The following ZFR2 variants were observed in gnomAD, a reference collection of about 807,000 sequenced individuals.
ZFR2 encodes the protein zinc finger RNA-binding protein 2.
In ZFR2, 104 loss-of-function variants were observed where a neutral mutation model predicts 105.7. The ratio of observed to expected loss-of-function variants is 0.98; its 90% CI spans 0.84 to 1.16. ZFR2 has a LOEUF of 1.16. Ranked by LOEUF, ZFR2 falls within the 50% of genes most tolerant of loss-of-function variation. The pLI, the probability that ZFR2 is intolerant of heterozygous loss-of-function variation, is 0.00. For synonymous variants in ZFR2, 634 were observed against 597.7 expected (o/e 1.06, Z -0.89); for missense variants, 1,425 against 1,355.5 (o/e 1.05, Z -0.80).
chr19:3,823,296 G>A lies in ZFR2; in HGVS notation c.1321C>T (p.Pro441Ser), dbSNP rs1009774366. The A allele has an allele frequency of 6.2e-7, 1 of 1,613,912 alleles. No individual in the cohort carries two copies. The highest frequency in any genetic ancestry group is 1.3e-5 in the African/African-American group (1 of 74,952). Residue 441 changes from proline to serine, a missense_variant, in exon 8 of 19, where the codon CCC becomes TCC. Transcript: ENST00000262961. The surrounding 1 kb of genome is among the most constrained non-coding windows in gnomAD (Gnocchi z 5.4). ...GGCTGCGCATCAGAGCAGCCCGCGG[G>A]AGCTTCCTTTGAGCCTCCTTGGGTA... ...APTQGGSKEA[P>S]AGCSDAQPVG... is the part of the protein sequence containing the mutation.
rs557284066 is a variant in ZFR2, at chr19:3,804,911, G to A, written c.*1038C>T. On this transcript the variant is annotated 3_prime_UTR_variant, in exon 19 of 19. Coordinates refer to ENST00000262961, the MANE Select transcript of ZFR2 (RefSeq NM_015174.2). ...GTTTGTTTCTTTGAGACAGGGTCTC[G>A]CTCTGTAACCCAGGCTGGAGTTCAG... The A allele has an allele frequency of 3.3e-5, 5 of 152,892 alleles. No homozygotes were observed. The highest frequency in any genetic ancestry group is 3.8e-4 in the East Asian group (2 of 5,198). 9.5% of individuals were successfully genotyped at this position (152,892 alleles called of 1,614,324 possible).
chr19:3,855,388 T>C, intron 1 of ZFR2: 1 of 1,231,692 alleles, frequency 8.1e-7, no homozygotes, highest in Non-Finnish European at 1.0e-6. Context: ...AGAAATTCTG[T>C]GTGTACAAAA....
rs759436615 is a variant in ZFR2 at position 3,822,066 on chromosome 19, C to G, written c.1491+15G>C. On this transcript the variant is annotated intron_variant, in intron 9 of 18. Coordinates refer to ENST00000262961, the MANE Select transcript of ZFR2 (RefSeq NM_015174.2). ...CAGCCCGGACGGGTGTCGGAGCTCC[C>G]CCTGCTGGACGCACCCGGTACTGCA... The G allele has an allele frequency of 1.1e-4, 178 of 1,586,586 alleles. No homozygotes were observed. The East Asian group carries it at 3.8e-3, about 34-fold the overall frequency.
intron 1 of ZFR2, among the ~76,000 whole-genome samples, chr19:3,837,061 A>G (rs1398234282): frequency 6.6e-6 from 1 of 152,234 alleles, no homozygotes; most frequent in Non-Finnish European, 1.5e-5. Flanking sequence ...CCTGCCAGCC[A>G]GGTGAGTCAT....
intron 1 of ZFR2, among the ~76,000 whole-genome samples, chr19:3,865,181 AATAAAG>A (rs1312534012): frequency 2.0e-5 from 3 of 152,228 alleles, no homozygotes; most frequent in African/African-American, 2.4e-5. Context: ...TATAAAATAA[AATAAAG>A]ATAATCAACA....
intron 9 of ZFR2, 111 bp downstream of exon 9, chr19:3,821,970 T>C: frequency 2.1e-6 from 3 of 1,436,708 alleles, no homozygotes; most frequent in Middle Eastern, 2.5e-4. Flanking sequence ...CCCCTCCCTC[T>C]TAAGTTCGTC....
rs1173234537 is a variant in ZFR2, at chr19:3,858,474, TAAAG to T, written c.53+10487_53+10490del. 6.6e-6 allele frequency among the ~76,000 whole-genome samples: 1 copy of T among 152,164 alleles called. No individual in the cohort carries two copies. Among genetic ancestry groups the T allele is most frequent in the Non-Finnish European group, 1.5e-5 (1 of 68,014 alleles). The stretch of plus-strand genomic sequence containing the variant: ...GTCCAAGGAAAAACTCAAGTGGAAA[TAAAG>T]ATTTTCCTGGAATCACAGGCTGAGA... On this transcript the variant is annotated intron_variant, in intron 1 of 18. Coordinates refer to ENST00000262961, the MANE Select transcript of ZFR2 (RefSeq NM_015174.2). This position sits in a 1 kb window ranked among gnomAD's most constrained non-coding sequence, Gnocchi z 4.3.
rs1303889058 is a variant in ZFR2 at position 3,833,928 on chromosome 19, C to CGGAGGCA, written c.265-157_265-151dup. On this transcript the variant is annotated intron_variant, in intron 2 of 18. Transcript: ENST00000262961. ...GTCTGCCCAGGACCAGGCCCTGGCCCGGAGGCAGGGGGCAGGGGGCAGGGG... is the reference window on the plus strand; with the variant it reads ...GTCTGCCCAGGACCAGGCCCTGGCCCGGAGGCAGGAGGCAGGGGGCAGGGGGCAGGGG... 4 of 538,670 alleles carry CGGAGGCA rather than the reference C, an allele frequency of 7.4e-6. No homozygotes were observed. In the South Asian group the frequency reaches 8.5e-5, roughly 11 times the overall value. The allele number at this position is 538,670 out of a possible 1,614,324, so 33.4% of individuals were successfully genotyped here.
Position 3,856,132 on chromosome 19 carries a change from G to A in ZFR2, c.53+12833C>T, listed in dbSNP as rs117871610. Among the ~76,000 whole-genome samples, 82 of 152,340 alleles carry A rather than the reference G, an allele frequency of 5.4e-4. 1 individual carries two copies. In the East Asian group the frequency reaches 0.014, roughly 27 times the overall value. On this transcript the variant is annotated intron_variant, in intron 1 of 18. Transcript: ENST00000262961. ...CAGGGGCGTGCGCTCAAGGTCAGAAGAAGGAAAGGAGGCCAGCCTGGCTTC... is the reference window on the plus strand; with the variant it reads ...CAGGGGCGTGCGCTCAAGGTCAGAAAAAGGAAAGGAGGCCAGCCTGGCTTC...
At chr19:3,815,844 C>T (rs886986661) in intron 13 of ZFR2, among the ~76,000 whole-genome samples, 25 of 151,388 alleles carry the variant, frequency 1.7e-4, no homozygotes, top group African/African-American at 5.1e-4. Context: ...CTCTGCCTCC[C>T]GGGTTCATGC....
Position 3,857,319 on chromosome 19 carries a change from C to T in ZFR2, c.53+11646G>A, listed in dbSNP as rs564971654. Reference sequence around the variant, plus strand: ...GCAAGCAAAAAGCTCACTGCACAGGCGTGAGAACCAAACACGGCCTGCAGG... The same window carrying T: ...GCAAGCAAAAAGCTCACTGCACAGGTGTGAGAACCAAACACGGCCTGCAGG... On this transcript the variant is annotated intron_variant, in intron 1 of 18. Transcript: ENST00000262961. 3.9e-5 allele frequency among the ~76,000 whole-genome samples: 6 copies of T among 152,068 alleles called. No individual in the cohort carries two copies. The East Asian group carries it at 1.2e-3, about 29-fold the overall frequency.
chr19:3,815,251 G>C (rs1014141738), intron 13 of ZFR2, among the ~76,000 whole-genome samples: 1 of 152,052 alleles, frequency 6.6e-6, no homozygotes, highest in African/African-American at 2.4e-5. Context: ...CACCATGCCC[G>C]GCTAATTTTT....
chr19:3,857,729 T>G (rs554485456), intron 1 of ZFR2, among the ~76,000 whole-genome samples: 101 of 151,154 alleles, frequency 6.7e-4, no homozygotes, highest in African/African-American at 2.4e-3. Flanking sequence ...ATGAATTTAT[T>G]CTCAGTAAAG....
intron 1 of ZFR2, among the ~76,000 whole-genome samples, chr19:3,867,848 C>A (rs935153936): frequency 6.6e-6 from 1 of 151,680 alleles, no homozygotes; most frequent in Non-Finnish European, 1.5e-5. Context: ...TCCTCCACCC[C>A]ACATCAGGGG....
At chr19:3,849,469 T>C (rs1178041238) in intron 1 of ZFR2, among the ~76,000 whole-genome samples, 1 of 151,522 alleles carries the variant, frequency 6.6e-6, no homozygotes, top group Non-Finnish European at 1.5e-5. Context: ...GTGGGGCCGT[T>C]CTGGGCCCTG....
At chr19:3,811,243 T>TC (rs2037760412) in intron 15 of ZFR2, 29 bp downstream of exon 15, 3 of 1,525,446 alleles carry the variant, frequency 2.0e-6, no homozygotes, top group African/African-American at 1.4e-5. Context: ...GTCACCCCTC[T>TC]CCCCCTGCTC....
At chr19:3,825,939 C>G (rs769397884) in intron 6 of ZFR2, among the ~76,000 whole-genome samples, 1 of 152,146 alleles carries the variant, frequency 6.6e-6, no homozygotes, top group Admixed American at 6.5e-5. Context: ...CACAGGGCCA[C>G]TGTGTGTGTG....
intron 1 of ZFR2, among the ~76,000 whole-genome samples, chr19:3,862,703 C>T (rs2038386512): frequency 6.6e-6 from 1 of 152,254 alleles, no homozygotes; most frequent in African/African-American, 2.4e-5. Context: ...CAAGTCCTGT[C>T]ATTTGAAAAG....
intron 6 of ZFR2, 40 bp from the exon 7 acceptor site, chr19:3,825,447 C>T (rs1178656447): frequency 6.5e-7 from 1 of 1,527,750 alleles, no homozygotes; most frequent in Non-Finnish European, 8.8e-7. Context: ...GAGGGCCGCT[C>T]CCAGCCTGAT....
Sources: allele counts gnomAD v4.1 joint callset (sites outside exome capture counted in the v4.1 genomes callset), GRCh38; gene constraint gnomAD v4.1.1; non-coding constraint Gnocchi (gnomAD v3.1); transcripts MANE v1.5; gene names NCBI Gene and HGNC (gene_info 2026-07-23, HGNC 2026-07-21).